Variants in CHRM3 observed in about 807,000 individuals in gnomAD.
CHRM3 encodes the protein muscarinic acetylcholine receptor M3.
In CHRM3, 11 loss-of-function variants were observed where a neutral mutation model predicts 41.8. The ratio of observed to expected loss-of-function variants is 0.26; its 90% CI spans 0.17 to 0.44. CHRM3 has a LOEUF of 0.44. Among genes scored for constraint, CHRM3 ranks in the 20% least tolerant of loss-of-function variants. The pLI is 1.00. For synonymous variants in CHRM3, 297 were observed against 301.4 expected (o/e 0.99, Z 0.15); for missense variants, 571 against 745.4 (o/e 0.77, Z 2.72).
chr1:239,586,062 CTG>C (rs1174229974), intron 3 of CHRM3, among the ~76,000 whole-genome samples: 6 of 152,128 alleles, frequency 3.9e-5, no homozygotes, highest in African/African-American at 1.4e-4. Context: ...CTCTTCCATG[CTG>C]TGTCTCTGAA....
At chr1:239,613,918 G>A (rs1667338043) in intron 3 of CHRM3, among the ~76,000 whole-genome samples, 1 of 152,162 alleles carries the variant, frequency 6.6e-6, no homozygotes, top group African/African-American at 2.4e-5. Context: ...ACTTTGGGAG[G>A]CCAAGGCAGG....
chr1:239,649,289 C>A (rs892968763), intron 4 of CHRM3, among the ~76,000 whole-genome samples: 4 of 152,246 alleles, frequency 2.6e-5, no homozygotes, highest in Non-Finnish European at 5.9e-5. Context: ...ATCTATGAAG[C>A]AGAAAGCGAG....
chr1:239,719,744 A>T (rs1662748031), intron 5 of CHRM3: 1 of 151,974 alleles, frequency 6.6e-6, no homozygotes, highest in Non-Finnish European at 1.5e-5. Context: ...ATATCTTCTT[A>T]AACGTAGGTA....
chr1:239,835,693 A>G (rs1187238667), intron 6 of CHRM3, among the ~76,000 whole-genome samples: 1 of 152,234 alleles, frequency 6.6e-6, no homozygotes, highest in East Asian at 1.9e-4. Context: ...AATAGAAGAC[A>G]TCCGAGTACC....
intron 3 of CHRM3, among the ~76,000 whole-genome samples, chr1:239,586,400 AT>A (rs1663403714): frequency 6.6e-6 from 1 of 151,990 alleles, no homozygotes; most frequent in African/African-American, 2.4e-5. Context: ...ACTGCAGCCT[AT>A]TTTTTTGCAG....
At chr1:239,519,568 AAAG>A (rs1255094997) in intron 2 of CHRM3, among the ~76,000 whole-genome samples, 1 of 152,098 alleles carries the variant, frequency 6.6e-6, no homozygotes, top group African/African-American at 2.4e-5. Flanking sequence ...TTTATCATCA[AAAG>A]AAGATCTATC....
intron 5 of CHRM3, among the ~76,000 whole-genome samples, chr1:239,701,740 C>A (rs1453658949): frequency 1.3e-5 from 2 of 152,074 alleles, no homozygotes; most frequent in Admixed American, 1.3e-4. Context: ...TCAGTCATCT[C>A]ATTCCTTCCT....
intron 2 of CHRM3, among the ~76,000 whole-genome samples, chr1:239,540,608 A>G (rs1658682297): frequency 6.6e-6 from 1 of 152,234 alleles, no homozygotes; most frequent in African/African-American, 2.4e-5. Context: ...TCGTGCTCTC[A>G]AAGAAATTGA....
chr1:239,912,449 A>G lies in CHRM3; in HGVS notation c.*3225A>G, dbSNP rs957608481. On this transcript the variant is annotated 3_prime_UTR_variant, in exon 7 of 7. Coordinates refer to ENST00000676153, the MANE Select transcript of CHRM3 (RefSeq NM_001375978.1). ...GACTCTGACGGAATGAAAACAAACA[A>G]GAAGCCTAAGCGTTAGACCCTGCTG... 4.2e-5 allele frequency: 7 copies of G among 167,152 alleles called. No homozygotes were observed. The highest frequency in any genetic ancestry group is 3.3e-4 in the Admixed American group (5 of 15,288). 10.4% of individuals were successfully genotyped at this position (167,152 alleles called of 1,614,324 possible).
chr1:239,546,847 G>A (rs1659351615), intron 3 of CHRM3, among the ~76,000 whole-genome samples: 1 of 152,146 alleles, frequency 6.6e-6, no homozygotes, highest in South Asian at 2.1e-4. Flanking sequence ...TGGTGAGATT[G>A]TAAATATTAT....
intron 1 of CHRM3, among the ~76,000 whole-genome samples, chr1:239,476,800 C>A (rs189412176): frequency 6.6e-6 from 1 of 152,236 alleles, no homozygotes; most frequent in East Asian, 1.9e-4. Context: ...TTTTCTTCAA[C>A]CTCCACGTAT....
intron 5 of CHRM3, among the ~76,000 whole-genome samples, chr1:239,767,491 G>T (rs932235945): frequency 6.6e-6 from 1 of 152,116 alleles, no homozygotes; most frequent in Non-Finnish European, 1.5e-5. Context: ...AGGGGACTTT[G>T]GGGGTTATGA....
At chr1:239,581,693 A>G (rs574415722) in intron 3 of CHRM3, among the ~76,000 whole-genome samples, 10 of 152,308 alleles carry the variant, frequency 6.6e-5, no homozygotes, top group African/African-American at 1.9e-4. Flanking sequence ...AATGCTTACA[A>G]TCATCCTAAA....
intron 1 of CHRM3, among the ~76,000 whole-genome samples, chr1:239,425,100 CAG>C (rs1450145480): frequency 1.3e-5 from 2 of 152,086 alleles, no homozygotes; most frequent in East Asian, 3.9e-4. Flanking sequence ...AAGATGGACA[CAG>C]TGGTTCACAC....
chr1:239,570,657 A>G (rs1661745230), intron 3 of CHRM3, among the ~76,000 whole-genome samples: 1 of 152,184 alleles, frequency 6.6e-6, no homozygotes, highest in Admixed American at 6.5e-5. Context: ...TGTTTCAAAT[A>G]ACTGACAGCC....
intron 5 of CHRM3, among the ~76,000 whole-genome samples, chr1:239,806,941 G>A (rs913272106): frequency 3.2e-4 from 48 of 152,130 alleles, no homozygotes; most frequent in African/African-American, 4.1e-4. Context: ...AGTACCTGCC[G>A]TCATTCCATA....
At chr1:239,420,625 C>T (rs1661878884) in intron 1 of CHRM3, among the ~76,000 whole-genome samples, 1 of 152,034 alleles carries the variant, frequency 6.6e-6, no homozygotes, top group African/African-American at 2.4e-5. Flanking sequence ...CCAGTTTTTG[C>T]TCATTCTGGG....
At chr1:239,825,512 T>C (rs890962235) in intron 5 of CHRM3, among the ~76,000 whole-genome samples, 67 of 152,312 alleles carry the variant, frequency 4.4e-4, no homozygotes, top group African/African-American at 1.6e-3. Flanking sequence ...TGTATGTATG[T>C]TATTGTCATT....
rs191157584 is a variant in CHRM3 at position 239,457,999 on chromosome 1, C to T, written c.-520-34710C>T. On this transcript the variant is annotated intron_variant, in intron 1 of 6. Transcript: ENST00000676153. ...GGGCTTCAATTCAGTCTCAGTTATGCCGTACTTGTGTTGTTCAGGAAAGTA... is the reference window on the plus strand; with the variant it reads ...GGGCTTCAATTCAGTCTCAGTTATGTCGTACTTGTGTTGTTCAGGAAAGTA... Among the ~76,000 whole-genome samples, 9 of 152,022 alleles carry T rather than the reference C, an allele frequency of 5.9e-5. No homozygotes were observed. The East Asian group carries it at 1.6e-3, about 26-fold the overall frequency.
Sources: gnomAD v4.1 joint callset for allele counts (sites outside exome capture counted in the v4.1 genomes callset) on GRCh38, gnomAD v4.1.1 for gene constraint, MANE v1.5 for transcripts, NCBI Gene and HGNC (gene_info 2026-07-23, HGNC 2026-07-21) for gene names.